The following CPEB4 variants were observed in gnomAD, a reference collection of about 807,000 sequenced individuals.
CPEB4 encodes cytoplasmic polyadenylation element-binding protein 4.
Under a neutral mutation model 72.5 loss-of-function variants are expected in CPEB4, and 12 were observed. The ratio of observed to expected loss-of-function variants is 0.17; its 90% CI spans 0.11 to 0.27. The LOEUF (loss-of-function observed/expected upper bound fraction) is 0.27, where lower values mean the gene tolerates loss of function less well. Ranked by LOEUF, CPEB4 falls within the 10% of genes least tolerant of loss-of-function variation. The pLI, the probability that CPEB4 is intolerant of heterozygous loss-of-function variation, is 1.00. For missense variants in CPEB4, 614 were observed against 908.5 expected (o/e 0.68, Z 4.17); for synonymous variants, 302 against 326.3 (o/e 0.93, Z 0.80).
At position 173,949,566 on chromosome 5, in the gene CPEB4, A is replaced by G; in HGVS notation, c.1515A>G (p.Lys505=). 4 of 1,613,274 alleles carry G rather than the reference A, an allele frequency of 2.5e-6. No individual in the cohort carries two copies. Among genetic ancestry groups the G allele is most frequent in the Non-Finnish European group, 3.4e-6 (4 of 1,179,372 alleles). The part of the protein sequence containing the change: ...FGPLIVDWPH[K]AESKSYFPPK... ...CTCTGATTGTGGATTGGCCTCATAA[A>G]GCTGAGAGCAAATCCTATTTTCCTC... Residue 505 remains lysine, a synonymous_variant, in exon 6 of 10, where the codon AAA becomes AAG. Coordinates refer to ENST00000265085, the MANE Select transcript of CPEB4 (RefSeq NM_030627.4).
In CPEB4 at chr5:173,905,491, G is replaced by A. The variant is rs192625599; in HGVS notation, c.1126-5032G>A. Among the ~76,000 whole-genome samples the A allele has an allele frequency of 2.4e-3, 372 of 151,966 alleles. 3 individuals are homozygous for A. Among genetic ancestry groups the A allele is most frequent in the Non-Finnish European group, 1.7e-3 (116 of 67,936 alleles). On this transcript the variant is annotated intron_variant, in intron 1 of 9. Transcript: ENST00000265085. ...TGGGGTTACAGGCACCTGCCACCAC[G>A]CCCAGCTAATTTTTGTATTTTTTCA...
rs1755690132 is a variant in CPEB4 at position 173,888,535 on chromosome 5, A to C, written c.-1199A>C. On this transcript the variant is annotated 5_prime_UTR_variant, in exon 1 of 10. Transcript: ENST00000265085. The surrounding 1 kb of genome is among the most constrained non-coding windows in gnomAD (Gnocchi z 4.3). ...AGCGGGGACTGCGGGACCAGGGTAA[A>C]GCGGCGACGGCGGCGACGGCCCAGC... 1 of 403,836 alleles carries C rather than the reference A, an allele frequency of 2.5e-6. No homozygotes were observed. Among genetic ancestry groups the C allele is most frequent in the Non-Finnish European group, 4.4e-6 (1 of 229,696 alleles). 25.0% of individuals were successfully genotyped at this position (403,836 alleles called of 1,614,324 possible).
intron 1 of CPEB4, among the ~76,000 whole-genome samples, chr5:173,905,934 C>T (rs2113160022): frequency 6.6e-6 from 1 of 152,288 alleles, no homozygotes; most frequent in East Asian, 1.9e-4. Flanking sequence ...GACGAAAGTG[C>T]CCAAGCTCAT....
chr5:173,930,574 A>G (rs1249289330), intron 2 of CPEB4, among the ~76,000 whole-genome samples: 1 of 152,174 alleles, frequency 6.6e-6, no homozygotes, highest in African/African-American at 2.4e-5. Flanking sequence ...ATTAATTTTT[A>G]CCTTTTTTTC....
chr5:173,940,714 A>C (rs1009845451), intron 3 of CPEB4, among the ~76,000 whole-genome samples: 1 of 152,224 alleles, frequency 6.6e-6, no homozygotes, highest in Non-Finnish European at 1.5e-5. Flanking sequence ...TAAAAATTAC[A>C]CATTCTCGTT....
At chr5:173,924,610 T>C (rs1430129162) in intron 2 of CPEB4, among the ~76,000 whole-genome samples, 1 of 152,228 alleles carries the variant, frequency 6.6e-6, no homozygotes, top group Non-Finnish European at 1.5e-5. Flanking sequence ...GGGATTTTTT[T>C]TGGCATTCTG....
At chr5:173,898,015 G>A (rs1258506045) in intron 1 of CPEB4, among the ~76,000 whole-genome samples, 1 of 152,036 alleles carries the variant, frequency 6.6e-6, no homozygotes, top group Non-Finnish European at 1.5e-5. Context: ...GTTTACAAAT[G>A]GAATTATTCA....
chr5:173,956,148 C>A lies in CPEB4; in HGVS notation c.*11C>A. 6.2e-7 allele frequency: 1 copy of A among 1,607,438 alleles called. No homozygotes were observed. The highest frequency in any genetic ancestry group is 1.1e-5 in the South Asian group (1 of 90,942). ...TTCCGCTGGAACTAAAGGATAACTG[C>A]AGTGCTCATTTTCAGGCCTCAGAAT... is the stretch of plus-strand genomic sequence containing the variant. On this transcript the variant is annotated 3_prime_UTR_variant, in exon 10 of 10. Coordinates refer to ENST00000265085, the MANE Select transcript of CPEB4 (RefSeq NM_030627.4).
chr5:173,896,073 T>C (rs974190239), intron 1 of CPEB4, among the ~76,000 whole-genome samples: 7 of 152,208 alleles, frequency 4.6e-5, no homozygotes, highest in African/African-American at 1.7e-4. Flanking sequence ...TGCCTAGGTT[T>C]GAATTTGACA....
intron 1 of CPEB4, among the ~76,000 whole-genome samples, chr5:173,909,846 G>A (rs1818281): frequency 0.64 from 96,303 of 151,494 alleles, 31,651 homozygotes; most frequent in Non-Finnish European, 0.73. Flanking sequence ...TAAAAATACA[G>A]AAAATTAGCC....
Position 173,922,042 on chromosome 5 carries a change from A to G in CPEB4, c.1208-10408A>G, listed in dbSNP as rs374885499. ...TCCCAAAGATGCAACAGCTTCTGTA[A>G]AGTCACTCAGATTCCTGGTACCTAC... On this transcript the variant is annotated intron_variant, in intron 2 of 9. Transcript: ENST00000265085. 5.2e-4 allele frequency among the ~76,000 whole-genome samples: 79 copies of G among 152,316 alleles called. 1 individual carries two copies. The highest frequency in any genetic ancestry group is 6.8e-3 in the Middle Eastern group (2 of 294).
At chr5:173,941,312 C>T (rs1429982527) in intron 3 of CPEB4, among the ~76,000 whole-genome samples, 1 of 152,146 alleles carries the variant, frequency 6.6e-6, no homozygotes, top group Non-Finnish European at 1.5e-5. Flanking sequence ...CCTACCCCTC[C>T]CCAACCCCCT....
At chr5:173,939,084 T>G (rs1374137121) in intron 3 of CPEB4, among the ~76,000 whole-genome samples, 1 of 152,034 alleles carries the variant, frequency 6.6e-6, no homozygotes, top group Non-Finnish European at 1.5e-5. Context: ...GCCCAGGAGT[T>G]GAGACCAGCC....
At chr5:173,947,259 G>A (rs74738029) in intron 5 of CPEB4, among the ~76,000 whole-genome samples, 2,904 of 152,250 alleles carry the variant, frequency 0.019, 49 homozygotes, top group Non-Finnish European at 0.033. Flanking sequence ...ATTGCAAAAT[G>A]TGGTCAGGTC....
intron 2 of CPEB4, among the ~76,000 whole-genome samples, chr5:173,923,896 C>T (rs1184479540): frequency 2.6e-5 from 4 of 152,102 alleles, no homozygotes; most frequent in African/African-American, 7.2e-5. Context: ...TAAAAATAGC[C>T]TTCCTGCTTG....
intron 9 of CPEB4, among the ~76,000 whole-genome samples, chr5:173,953,802 A>G (rs971270550): frequency 2.0e-5 from 3 of 151,868 alleles, no homozygotes; most frequent in Non-Finnish European, 4.4e-5. Context: ...CATGTATTCA[A>G]CAAACGTTTT....
At position 173,953,156 on chromosome 5, in the gene CPEB4, C is replaced by A; in HGVS notation, c.1846C>A (p.Pro616Thr). The change falls in exon 9 of 10, where the codon CCT becomes ACT. Residue 616 changes from proline (P) to threonine (T), a missense_variant. Around this residue, in one of 5 missense-constraint regions of CPEB4, gnomAD observed 101 missense variants for 243.1 expected, o/e 0.42. Transcript: ENST00000265085. ...GTGCTACGCTGGGATTGATACCGAC[C>A]CTGAGCTAAAATACCCAAAAGGAGC... ...GVCYAGIDTD[P>T]ELKYPKGAGR... The A allele has an allele frequency of 1.2e-6, 2 of 1,613,680 alleles. No individual in the cohort carries two copies. Among genetic ancestry groups the A allele is most frequent in the Non-Finnish European group, 1.7e-6 (2 of 1,179,748 alleles).
chr5:173,908,996 A>C (rs921033945), intron 1 of CPEB4, among the ~76,000 whole-genome samples: 5 of 152,160 alleles, frequency 3.3e-5, no homozygotes, highest in African/African-American at 1.2e-4. Flanking sequence ...TAATTTTAAA[A>C]TGTTTTCATC....
At chr5:173,918,216 A>G (rs1475549854) in intron 2 of CPEB4, 1 of 152,240 alleles carries the variant, frequency 6.6e-6, no homozygotes, top group Non-Finnish European at 1.5e-5. Context: ...GCCTTGGCTT[A>G]GCTGTGCTGT....
Sources: allele counts gnomAD v4.1 joint callset (sites outside exome capture counted in the v4.1 genomes callset), GRCh38; gene constraint gnomAD v4.1.1; regional missense constraint gnomAD v4.1.1; non-coding constraint Gnocchi (gnomAD v3.1); transcripts MANE v1.5; gene names NCBI Gene and HGNC (gene_info 2026-07-23, HGNC 2026-07-21).